The following SMYD5 variants were observed in gnomAD, a reference collection of about 807,000 sequenced individuals.
The protein encoded by SMYD5 is protein-lysine N-trimethyltransferase SMYD5.
SMYD5 carries 35 observed loss-of-function variants against 57.4 expected under a neutral mutation model. The ratio of observed to expected loss-of-function variants is 0.61; its 90% CI spans 0.47 to 0.81. The LOEUF (loss-of-function observed/expected upper bound fraction) is 0.81. Ranked by LOEUF, SMYD5 falls within the 30% of genes least tolerant of loss-of-function variation. The pLI, the probability that SMYD5 is intolerant of heterozygous loss-of-function variation, is 0.00. For missense variants in SMYD5, 471 were observed against 527.9 expected (o/e 0.89, Z 1.06); for synonymous variants, 198 against 189.7 (o/e 1.04, Z -0.36).
Position 73,221,242 on chromosome 2 carries a change from C to G in SMYD5, c.537+8C>G, listed in dbSNP as rs149234482. ...GTGGCCACAGTGAAGCAGGTGAGCC[C>G]ACCCAACCCTCTCGGGGAAGCTGAC... is the stretch of plus-strand genomic sequence containing the variant. On this transcript the variant is annotated splice_region_variant and intron_variant, in intron 5 of 12. Coordinates refer to ENST00000389501, the MANE Select transcript of SMYD5 (RefSeq NM_006062.3). 7.1e-5 allele frequency: 114 copies of G among 1,612,770 alleles called. 1 individual carries two copies. Among genetic ancestry groups the G allele is most frequent in the Middle Eastern group, 3.3e-4 (2 of 6,056 alleles).
At position 73,220,659 on chromosome 2, in the gene SMYD5, A is replaced by T. The variant is rs767862890; in HGVS notation, c.346-2A>T. The T allele has an allele frequency of 6.2e-7, 1 of 1,614,036 alleles. No individual in the cohort carries two copies. Among genetic ancestry groups the T allele is most frequent in the Non-Finnish European group, 8.5e-7 (1 of 1,180,018 alleles). On this transcript the variant is annotated splice_acceptor_variant, in intron 3 of 12. Coordinates refer to ENST00000389501, the MANE Select transcript of SMYD5 (RefSeq NM_006062.3). LOFTEE classifies it high-confidence loss of function. The stretch of plus-strand genomic sequence containing the variant: ...GGTACTGACCTCTATCCCACCTAAC[A>T]GGTGATGTACTGCAGTGCAGAATGT...
In SMYD5 at chr2:73,225,912, ATGCAGAGC is replaced by A; in HGVS notation, c.1226_1233del (p.Ala409GlyfsTer3). 1 of 1,614,120 alleles carries A rather than the reference ATGCAGAGC, an allele frequency of 6.2e-7. No homozygotes were observed. Among genetic ancestry groups the A allele is most frequent in the Non-Finnish European group, 8.5e-7 (1 of 1,179,974 alleles). ...GAGGAGGAGGAAGGAGAGCCAGAAGATGCAGAGCTGGGGGATGAGATGACTGATGTGTG... is the reference window on the plus strand; with the variant it reads ...GAGGAGGAGGAAGGAGAGCCAGAAGATGGGGGATGAGATGACTGATGTGTG... On this transcript the variant is annotated frameshift_variant, in exon 13 of 13. Transcript: ENST00000389501. LOFTEE classifies it high-confidence loss of function.
intron 2 of SMYD5, 24 bp from the exon 3 acceptor site, chr2:73,220,024 ATTG>A (rs765768192): frequency 1.9e-6 from 3 of 1,614,002 alleles, no homozygotes; most frequent in East Asian, 2.2e-5. Context: ...CTCTCAAGAT[ATTG>A]TTGTGTCTGG....
intron 1 of SMYD5, among the ~76,000 whole-genome samples, chr2:73,215,042 T>C (rs920796162): frequency 6.6e-6 from 1 of 152,246 alleles, no homozygotes; most frequent in African/African-American, 2.4e-5. Context: ...TCTTTCAATA[T>C]CAAGCCTATT....
Position 73,221,859 on chromosome 2 carries a change from T to G in SMYD5, c.571T>G (p.Ser191Ala). 6.2e-7 allele frequency: 1 copy of G among 1,614,022 alleles called. No individual in the cohort carries two copies. Among genetic ancestry groups the G allele is most frequent in the Non-Finnish European group, 8.5e-7 (1 of 1,179,898 alleles). Residue 191 changes from serine (S) to alanine (A), a missense_variant, in exon 6 of 13, where the codon TCC (serine) becomes GCC (alanine). Coordinates refer to ENST00000389501, the MANE Select transcript of SMYD5 (RefSeq NM_006062.3). ...KDKDRWIRLFSQFCNKTANEE... is the reference protein window; with the variant it reads ...KDKDRWIRLFAQFCNKTANEE... ...CAAGGACCGTTGGATCAGACTCTTTTCCCAGTTTTGTAACAAAACAGCCAA... is the reference window on the plus strand; with the variant it reads ...CAAGGACCGTTGGATCAGACTCTTTGCCCAGTTTTGTAACAAAACAGCCAA...
chr2:73,225,620 C>T lies in SMYD5; in HGVS notation c.1036-11C>T. On this transcript the variant is annotated splice_polypyrimidine_tract_variant and intron_variant, in intron 11 of 12. Transcript: ENST00000389501. ...GCACAGACCATCAGACTGCACTTCTCTGCCCTACAGGAAATTTGTATCAGC... is the reference window on the plus strand; with the variant it reads ...GCACAGACCATCAGACTGCACTTCTTTGCCCTACAGGAAATTTGTATCAGC... 1.2e-6 allele frequency: 2 copies of T among 1,613,846 alleles called. No individual in the cohort carries two copies. Among genetic ancestry groups the T allele is most frequent in the African/African-American group, 1.3e-5 (1 of 75,048 alleles).
intron 1 of SMYD5, among the ~76,000 whole-genome samples, chr2:73,218,240 A>G (rs186992297): frequency 5.9e-4 from 90 of 152,384 alleles, no homozygotes; most frequent in Non-Finnish European, 1.2e-3. Flanking sequence ...AAAGTGAAGC[A>G]GTTGGCTCAA....
In SMYD5 at chr2:73,219,004, C is replaced by A. The variant is rs201061225; in HGVS notation, c.205+35C>A. On this transcript the variant is annotated intron_variant, in intron 2 of 12. Transcript: ENST00000389501. ...TCTCTCCTACTCCTCATGGCCCAGT[C>A]GTCTTTGTGCATGGAAGTGAGCTGC... 3.4e-6 allele frequency: 5 copies of A among 1,480,034 alleles called. No individual in the cohort carries two copies. The South Asian group carries it at 4.5e-5, about 13-fold the overall frequency. 91.7% of individuals were successfully genotyped at this position (1,480,034 alleles called of 1,614,324 possible).
chr2:73,216,862 C>T (rs1574339253), intron 1 of SMYD5, among the ~76,000 whole-genome samples: 2 of 152,214 alleles, frequency 1.3e-5, no homozygotes, highest in African/African-American at 2.4e-5. Flanking sequence ...AGCCACCATA[C>T]CCGGCCTGCA....
At position 73,218,913 on chromosome 2, in the gene SMYD5, T is replaced by C. The variant is rs768626058; in HGVS notation, c.149T>C (p.Val50Ala). Residue 50 changes from valine to alanine, a missense_variant, in exon 2 of 13, where the codon GTA becomes GCA. By Grantham distance (64) the Val-to-Ala change is moderately conservative (BLOSUM62 0). Transcript: ENST00000389501. ...QLIRKGETIF[V>A]ERPLVAAQFL... ...ATCCGGAAGGGGGAGACCATCTTCG[T>C]AGAACGGCCCCTGGTGGCTGCACAG... 2 of 1,614,202 alleles carry C rather than the reference T, an allele frequency of 1.2e-6. No homozygotes were observed. The highest frequency in any genetic ancestry group is 1.7e-6 in the Non-Finnish European group (2 of 1,180,022).
At chr2:73,220,017 T>C in intron 2 of SMYD5, 34 bp from the exon 3 acceptor site, 1 of 1,614,078 alleles carries the variant, frequency 6.2e-7, no homozygotes, top group Non-Finnish European at 8.5e-7. Context: ...GCCTCTGCTC[T>C]CAAGATATTG....
chr2:73,225,772 C>T (rs749522805), intron 12 of SMYD5, 24 bp from the exon 13 acceptor site: 2 of 1,613,878 alleles, frequency 1.2e-6, no homozygotes, highest in Non-Finnish European at 1.7e-6. Context: ...GACTTTTCCC[C>T]CTCACCATCC....
Position 73,214,253 on chromosome 2 carries a change from G to A in SMYD5, c.-14G>A, listed in dbSNP as rs764264244. The A allele has an allele frequency of 7.4e-5, 120 of 1,613,558 alleles. No homozygotes were observed. In the South Asian group the frequency reaches 1.3e-3, roughly 17 times the overall value. On this transcript the variant is annotated 5_prime_UTR_variant, in exon 1 of 13. Transcript: ENST00000389501. ...AGGCGGGGTTAAGGGTCATAAGGCG[G>A]AGGCGCGCCCAAGATGGCGGCCTCC...
intron 4 of SMYD5, 71 bp from the exon 5 acceptor site, chr2:73,221,094 C>T (rs1686383534): frequency 1.5e-6 from 2 of 1,352,006 alleles, no homozygotes; most frequent in Non-Finnish European, 1.1e-6. Flanking sequence ...CTGTACCAGT[C>T]AGACTCGGCT....
intron 4 of SMYD5, 33 bp from the exon 5 acceptor site, chr2:73,221,132 A>G: frequency 1.3e-6 from 2 of 1,588,702 alleles, no homozygotes; most frequent in Non-Finnish European, 1.7e-6. Flanking sequence ...TAGGGAGAGA[A>G]TTTCTAGGCC....
At chr2:73,214,683 T>C in intron 1 of SMYD5, 1 of 1,421,924 alleles carries the variant, frequency 7.0e-7, no homozygotes, top group South Asian at 1.2e-5. Context: ...TGGGCGGGGA[T>C]GTGCCGGGCA....
rs138495170 is a variant in SMYD5, at chr2:73,220,861, T to C, written c.467+79T>C. The C allele has an allele frequency of 7.6e-5, 116 of 1,520,658 alleles. No homozygotes were observed. In the African/African-American group the frequency reaches 1.3e-3, roughly 18 times the overall value. The allele number at this position is 1,520,658 out of a possible 1,614,324, so 94.2% of individuals were successfully genotyped here. ...CCTGGGCTCATCAGGTGTTGCCGTC[T>C]TTCTTAAGTTCCAATTCCCCGGATT... On this transcript the variant is annotated intron_variant, in intron 4 of 12. Coordinates refer to ENST00000389501, the MANE Select transcript of SMYD5 (RefSeq NM_006062.3).
In SMYD5 at chr2:73,219,041, C is replaced by T; in HGVS notation, c.205+72C>T. 4 of 1,079,672 alleles carry T rather than the reference C, an allele frequency of 3.7e-6. No individual in the cohort carries two copies. In the Admixed American group the frequency reaches 6.9e-5, roughly 19 times the overall value. The allele number at this position is 1,079,672 out of a possible 1,614,324, so 66.9% of individuals were successfully genotyped here. ...TGGAAGTGAGCTGCATACATCCCTA[C>T]TGGCTGACGTCTCTGGAACTCTGGG... On this transcript the variant is annotated intron_variant, in intron 2 of 12. Transcript: ENST00000389501.
At chr2:73,220,238 C>G (rs1481114022) in intron 3 of SMYD5, 48 bp downstream of exon 3, 1 of 1,604,212 alleles carries the variant, frequency 6.2e-7, no homozygotes, top group Admixed American at 1.7e-5. Context: ...GTGAGGGAGG[C>G]CTTAGCTGGA....
Sources: allele counts gnomAD v4.1 joint callset (sites outside exome capture counted in the v4.1 genomes callset), GRCh38; gene constraint gnomAD v4.1.1; transcripts MANE v1.5; gene names NCBI Gene and HGNC (gene_info 2026-07-23, HGNC 2026-07-21).